The following PCDH15 variants were observed in gnomAD, a reference collection of about 807,000 sequenced individuals.
PCDH15 encodes protocadherin-15.
Under a neutral mutation model 178.5 loss-of-function variants are expected in PCDH15, and 129 were observed. That is an observed-to-expected ratio of 0.72 (90% CI 0.63 to 0.84). The LOEUF (loss-of-function observed/expected upper bound fraction) is 0.84, where lower values mean the gene tolerates loss of function less well. Among genes scored for constraint, PCDH15 ranks in the 40% least tolerant of loss-of-function variants. PCDH15 has a pLI of 0.00. For synonymous variants in PCDH15, 800 were observed against 732.0 expected, an observed-to-expected ratio of 1.09 and a Z score of -1.50; for missense variants, 2,230 against 2,099.9, an observed-to-expected ratio of 1.06 and a Z score of -1.21.
rs528909688 is a variant in PCDH15, at chr10:54,170,766, C to A, written c.1590+12678G>T. Reference sequence around the variant, plus strand: ...GATGGCGGTTCCACCAGGCCTAATCCCCACACACCAGCAAAGGCAGGTTAT... The same window carrying A: ...GATGGCGGTTCCACCAGGCCTAATCACCACACACCAGCAAAGGCAGGTTAT... On this transcript the variant is annotated intron_variant, in intron 13 of 37. Transcript: ENST00000644397. 1.6e-3 allele frequency among the ~76,000 whole-genome samples: 244 copies of A among 151,868 alleles called. 6 individuals carry two copies. Among genetic ancestry groups the A allele is most frequent in the East Asian group, 0.016 (80 of 5,160 alleles).
intron 25 of PCDH15, chr10:53,905,255 AT>A (rs768355495): frequency 2.5e-4 from 128 of 518,002 alleles, no homozygotes; most frequent in African/African-American, 2.3e-3. Flanking sequence ...GCATTCTGAT[AT>A]AACAAAGACA....
intron 2 of PCDH15, among the ~76,000 whole-genome samples, chr10:55,614,113 C>CA (rs34985733): frequency 3.3e-4 from 47 of 141,360 alleles, no homozygotes; most frequent in Middle Eastern, 3.6e-3. Context: ...GACTCCATCT[C>CA]AAAAAAAAAA....
chr10:54,809,865 G>C (rs1476889832), intron 3 of PCDH15, among the ~76,000 whole-genome samples: 3 of 152,106 alleles, frequency 2.0e-5, no homozygotes, highest in African/African-American at 7.2e-5. Flanking sequence ...ATACTTTTGA[G>C]TAATTGAAAC....
intron 2 of PCDH15, among the ~76,000 whole-genome samples, chr10:54,916,754 G>T (rs1837348591): frequency 6.6e-6 from 1 of 151,988 alleles, no homozygotes; most frequent in Non-Finnish European, 1.5e-5. Flanking sequence ...AAATTAAGCT[G>T]GTATTTTCCA....
At chr10:55,260,711 C>T (rs1241681548) in intron 1 of PCDH15, among the ~76,000 whole-genome samples, 3 of 152,136 alleles carry the variant, frequency 2.0e-5, no homozygotes, top group Admixed American at 1.3e-4. Flanking sequence ...ATACAAATAA[C>T]GTATGCCATA....
At chr10:54,595,483 G>A (rs1281492636) in intron 2 of PCDH15, among the ~76,000 whole-genome samples, 1 of 152,138 alleles carries the variant, frequency 6.6e-6, no homozygotes, top group Non-Finnish European at 1.5e-5. Context: ...AGGAACACCA[G>A]CCCACAAAGA....
chr10:55,507,944 C>T (rs765656513), intron 2 of PCDH15, among the ~76,000 whole-genome samples: 3 of 151,354 alleles, frequency 2.0e-5, no homozygotes, highest in Non-Finnish European at 4.4e-5. Flanking sequence ...TAAAAATAAC[C>T]TAAGGTATAT....
intron 1 of PCDH15, among the ~76,000 whole-genome samples, chr10:54,715,934 C>T (rs2095475086): frequency 6.6e-6 from 1 of 152,084 alleles, no homozygotes. Context: ...CATTGGTGCT[C>T]TCTCTTCTTG....
At chr10:54,298,280 G>C (rs1355502404) in intron 8 of PCDH15, among the ~76,000 whole-genome samples, 1 of 152,110 alleles carries the variant, frequency 6.6e-6, no homozygotes, top group Non-Finnish European at 1.5e-5. Flanking sequence ...TCAAAAGAAA[G>C]CTCCAAAAGT....
At chr10:53,992,099 C>A (rs532819308) in intron 21 of PCDH15, among the ~76,000 whole-genome samples, 1 of 151,876 alleles carries the variant, frequency 6.6e-6, no homozygotes, top group South Asian at 2.1e-4. Context: ...CTGAGGCCAG[C>A]GAGACCATGA....
intron 2 of PCDH15, among the ~76,000 whole-genome samples, chr10:54,647,535 A>G (rs1398140522): frequency 1.3e-5 from 2 of 152,124 alleles, no homozygotes; most frequent in African/African-American, 4.8e-5. Context: ...TCTTCTTGCA[A>G]AAATAAAAAA....
chr10:54,180,422 T>C (rs1178813217), intron 13 of PCDH15, among the ~76,000 whole-genome samples: 1 of 152,228 alleles, frequency 6.6e-6, no homozygotes, highest in Non-Finnish European at 1.5e-5. Flanking sequence ...AAGAGTCTCA[T>C]GGCTACATTG....
At chr10:54,404,977 T>A (rs1014685517) in intron 3 of PCDH15, among the ~76,000 whole-genome samples, 13 of 152,120 alleles carry the variant, frequency 8.5e-5, no homozygotes, top group Non-Finnish European at 1.8e-4. Flanking sequence ...ATGGCTATTA[T>A]TACAATTAAA....
At chr10:54,874,971 C>T (rs1008609408) in intron 3 of PCDH15, among the ~76,000 whole-genome samples, 3 of 152,074 alleles carry the variant, frequency 2.0e-5, no homozygotes, top group African/African-American at 7.2e-5. Flanking sequence ...TTGCAAATAG[C>T]AAATTGATTA....
At chr10:54,676,726 C>T (rs933835649) in intron 1 of PCDH15, among the ~76,000 whole-genome samples, 1 of 152,106 alleles carries the variant, frequency 6.6e-6, no homozygotes, top group Admixed American at 6.6e-5. Flanking sequence ...ACTTTCTAAA[C>T]TATGAAAAGT....
intron 1 of PCDH15, among the ~76,000 whole-genome samples, chr10:55,238,195 T>G (rs188966969): frequency 4.6e-4 from 68 of 148,922 alleles, no homozygotes; most frequent in African/African-American, 1.7e-3. Context: ...TCGCCCAGGC[T>G]GGAGTGCACA....
chr10:54,489,923 G>T (rs2079430375), intron 3 of PCDH15, among the ~76,000 whole-genome samples: 1 of 152,046 alleles, frequency 6.6e-6, no homozygotes, highest in Non-Finnish European at 1.5e-5. Flanking sequence ...ATATCCACAA[G>T]TGCACCTAGG....
intron 2 of PCDH15, among the ~76,000 whole-genome samples, chr10:54,960,979 C>T (rs1012472182): frequency 6.6e-6 from 1 of 152,178 alleles, no homozygotes; most frequent in Non-Finnish European, 1.5e-5. Context: ...TATTCTGATG[C>T]TATGTTGTGC....
chr10:55,018,818 G>A (rs1443809448), intron 2 of PCDH15, among the ~76,000 whole-genome samples: 2 of 151,972 alleles, frequency 1.3e-5, no homozygotes, highest in African/African-American at 4.8e-5. Context: ...TAGATGTTGT[G>A]GAATTCCCAA....
Sources: allele counts gnomAD v4.1 joint callset (sites outside exome capture counted in the v4.1 genomes callset), GRCh38; gene constraint gnomAD v4.1.1; transcripts MANE v1.5; gene names NCBI Gene and HGNC (gene_info 2026-07-23, HGNC 2026-07-21).